The following FKBP11 variants were observed in gnomAD, a reference collection of about 807,000 sequenced individuals.
FKBP11 encodes the protein FKBP prolyl isomerase 11.
Under a neutral mutation model 24.7 loss-of-function variants are expected in FKBP11, and 21 were observed. The observed-to-expected ratio is 0.85, with a 90% confidence interval of 0.60 to 1.23. FKBP11 has a LOEUF of 1.23. Ranked by LOEUF, FKBP11 falls within the 50% of genes most tolerant of loss-of-function variation. The pLI is 0.00. For missense variants in FKBP11, 245 were observed against 248.7 expected (o/e 0.99, Z 0.10); for synonymous variants, 106 against 100.6 (o/e 1.05, Z -0.32).
upstream of FKBP11, chr12:48,926,198 C>A (rs1357797443): frequency 1.3e-5 from 2 of 149,036 alleles, no homozygotes; most frequent in Admixed American, 1.4e-4. Flanking sequence ...GGGCAGCACA[C>A]GTAATCCATT....
the FKBP11 span, among the ~76,000 whole-genome samples, chr12:48,935,018 C>CAAAAAAAAAAAAA: frequency 2.3e-5 from 2 of 87,510 alleles, no homozygotes; most frequent in African/African-American, 9.6e-5. Flanking sequence ...AATTCCGTCT[C>CAAAAAAAAAAAAA]AAAAAAAAAA....
At chr12:48,924,952 C>G (rs1447225887) in intron 2 of FKBP11, 94 bp downstream of exon 2, 5 of 1,479,034 alleles carry the variant, frequency 3.4e-6, no homozygotes, top group African/African-American at 1.4e-5. Flanking sequence ...TTTCTTCTCC[C>G]GAACCGCTTG....
At chr12:48,926,486 A>T (rs1939967415), upstream of FKBP11, 1 of 149,344 alleles carries the variant, frequency 6.7e-6, no homozygotes, top group Non-Finnish European at 1.5e-5. Context: ...CGGTCTCTCA[A>T]AGTGCTAGGA....
upstream of FKBP11, among the ~76,000 whole-genome samples, chr12:48,930,649 C>T (rs1219423590): frequency 6.6e-6 from 1 of 152,076 alleles, no homozygotes; most frequent in South Asian, 2.1e-4. Flanking sequence ...CTTGTAGTTG[C>T]AGAGGGCACA....
rs1235527290 is a variant in FKBP11 at position 48,922,146 on chromosome 12, G to A, written c.444C>T (p.Tyr148=). ...AAATGCCCTTCACCAGCTTTAGCCA[G>A]TAGTTGGCTCGGATTAGTGCAATCA... ...VELIALIRAN[Y]WLKLVKGILP... is the part of the protein sequence containing the mutation. Residue 148 remains tyrosine (Y), a synonymous_variant, in exon 6 of 6, where the codon TAC becomes TAT. Coordinates refer to ENST00000550765, the MANE Select transcript of FKBP11 (RefSeq NM_016594.3). 14 of 1,614,176 alleles carry A rather than the reference G, an allele frequency of 8.7e-6. No individual in the cohort carries two copies. The highest frequency in any genetic ancestry group is 1.2e-5 in the Non-Finnish European group (14 of 1,180,040).
upstream of FKBP11, chr12:48,926,543 G>A (rs7134686): frequency 0.32 from 40,214 of 123,904 alleles, 6,885 homozygotes; most frequent in East Asian, 0.48. Context: ...TTTTTTTTGA[G>A]GGGGAGGAGT....
the FKBP11 span, chr12:48,931,760 C>T: frequency 2.5e-6 from 1 of 399,764 alleles, no homozygotes; most frequent in Non-Finnish European, 4.5e-6. Flanking sequence ...AAAGAATAAG[C>T]AGAACACTGC....
At chr12:48,931,022 G>A (rs1382218723), upstream of FKBP11, among the ~76,000 whole-genome samples, 2 of 151,346 alleles carry the variant, frequency 1.3e-5, no homozygotes, top group African/African-American at 2.4e-5. Flanking sequence ...CCAGCTACTC[G>A]GGAGGCTGAG....
chr12:48,931,644 G>A, the FKBP11 span: 2 of 607,956 alleles, frequency 3.3e-6, no homozygotes, highest in Non-Finnish European at 5.7e-6. Flanking sequence ...ACAGTACCTG[G>A]GCTTCCAAGA....
At chr12:48,938,321 G>A in the FKBP11 span, 2 of 450,208 alleles carry the variant, frequency 4.4e-6, no homozygotes, top group East Asian at 7.0e-5. Flanking sequence ...CTTGACTAAT[G>A]CCCTCCCACC....
chr12:48,931,516 G>C, the FKBP11 span: 1 of 1,512,032 alleles, frequency 6.6e-7, no homozygotes, highest in South Asian at 1.2e-5. Context: ...GATGATTCTT[G>C]GAAAGATAGG....
Position 48,923,769 on chromosome 12 carries a change from C to T in FKBP11, c.388+13G>A, listed in dbSNP as rs1387603781. On this transcript the variant is annotated intron_variant, in intron 5 of 5. Transcript: ENST00000550765. Reference sequence around the variant, plus strand: ...TATTTTGATGGCCTGAGAGAGAGTCCTAGTCAGATTACCTGGGACAGATGG... The same window carrying T: ...TATTTTGATGGCCTGAGAGAGAGTCTTAGTCAGATTACCTGGGACAGATGG... The T allele has an allele frequency of 6.2e-7, 1 of 1,612,948 alleles. No individual in the cohort carries two copies. Among genetic ancestry groups the T allele is most frequent in the Non-Finnish European group, 8.5e-7 (1 of 1,178,962 alleles).
At chr12:48,924,484 G>A in intron 3 of FKBP11, 77 bp downstream of exon 3, 1 of 1,398,560 alleles carries the variant, frequency 7.2e-7, no homozygotes, top group Non-Finnish European at 1.0e-6. Flanking sequence ...GGGATTTCCA[G>A]GGCAGCTTTG....
At chr12:48,923,024 T>C in intron 5 of FKBP11, 1 of 742,984 alleles carries the variant, frequency 1.3e-6, no homozygotes, top group Non-Finnish European at 1.9e-6. Context: ...GGCGCATGCC[T>C]GTAATCCCAG....
At chr12:48,927,248 C>G (rs1248413312), upstream of FKBP11, among the ~76,000 whole-genome samples, 1 of 152,188 alleles carries the variant, frequency 6.6e-6, no homozygotes, top group Admixed American at 6.5e-5. Context: ...ACTCTGGATT[C>G]TCCTTCCAAA....
intron 5 of FKBP11, chr12:48,923,358 TTGAA>T: frequency 7.0e-7 from 1 of 1,436,778 alleles, no homozygotes; most frequent in Non-Finnish European, 9.1e-7. Flanking sequence ...TTGTTTTGTT[TTGAA>T]TCACTTGACT....
rs1236930907 is a variant in FKBP11, at chr12:48,925,366, C to A, written c.63G>T (p.Ala21=). ...HLLLLLLLSA[A]VCRAEAGLET... The stretch of plus-strand genomic sequence containing the variant: ...CGAGCCCAGCCTCAGCCCGGCACAC[C>A]GCCGCACTGAGCAGCAGCAGCAGCA... The change falls in exon 1 of 6, where the codon GCG becomes GCT. Residue 21 remains alanine, a synonymous_variant. Coordinates refer to ENST00000550765, the MANE Select transcript of FKBP11 (RefSeq NM_016594.3). The A allele has an allele frequency of 1.2e-6, 2 of 1,605,258 alleles. No homozygotes were observed. Among genetic ancestry groups the A allele is most frequent in the Non-Finnish European group, 1.7e-6 (2 of 1,177,022 alleles).
chr12:48,932,474 G>GTTT, the FKBP11 span, among the ~76,000 whole-genome samples: 6 of 150,654 alleles, frequency 4.0e-5, no homozygotes, highest in African/African-American at 1.5e-4. Flanking sequence ...TTTCAGGTAT[G>GTTT]TTTATGCATA....
chr12:48,928,972 G>A (rs1328663694), upstream of FKBP11, among the ~76,000 whole-genome samples: 5 of 149,944 alleles, frequency 3.3e-5, no homozygotes, highest in African/African-American at 1.2e-4. Context: ...ACAGGCGCCC[G>A]CCATCACGCC....
Sources: allele counts gnomAD v4.1 joint callset (sites outside exome capture counted in the v4.1 genomes callset), GRCh38; gene constraint gnomAD v4.1.1; transcripts MANE v1.5; gene names NCBI Gene and HGNC (gene_info 2026-07-23, HGNC 2026-07-21).